The following IMMP2L variants were observed in gnomAD, a reference collection of about 807,000 sequenced individuals.
The protein encoded by IMMP2L is inner mitochondrial membrane peptidase subunit 2.
IMMP2L carries 18 observed loss-of-function variants against 19.3 expected under a neutral mutation model. The ratio of observed to expected loss-of-function variants is 0.93; its 90% CI spans 0.64 to 1.38. The LOEUF is 1.38. Ranked by LOEUF, IMMP2L falls within the 40% of genes most tolerant of loss-of-function variation. The probability of loss-of-function intolerance (pLI) is 0.00; values close to 1 mark genes in which losing one functional copy is unlikely to be tolerated. For missense variants in IMMP2L, 233 were observed against 218.2 expected (o/e 1.07, Z -0.43); for synonymous variants, 76 against 73.0 (o/e 1.04, Z -0.21).
chr7:111,101,153 C>T (rs893420190), intron 3 of IMMP2L, among the ~76,000 whole-genome samples: 1 of 151,440 alleles, frequency 6.6e-6, no homozygotes, highest in African/African-American at 2.4e-5. Context: ...AAGCAATCTG[C>T]TGCTCTGGAT....
chr7:111,485,842 T>C (rs1195761622), intron 3 of IMMP2L, among the ~76,000 whole-genome samples: 1 of 151,962 alleles, frequency 6.6e-6, no homozygotes, highest in Non-Finnish European at 1.5e-5. Context: ...CAATTATCTA[T>C]TTAAGTCCAC....
intron 5 of IMMP2L, among the ~76,000 whole-genome samples, chr7:110,690,536 T>C (rs764999083): frequency 6.6e-6 from 1 of 152,138 alleles, no homozygotes; most frequent in Non-Finnish European, 1.5e-5. Context: ...GCCGATGATA[T>C]GATCATATAC....
chr7:110,905,255 C>A (rs1273386493), intron 4 of IMMP2L, among the ~76,000 whole-genome samples: 1 of 152,124 alleles, frequency 6.6e-6, no homozygotes, highest in Admixed American at 6.5e-5. Flanking sequence ...CTCAGCACTA[C>A]AATATTATCA....
chr7:111,557,051 C>T (rs1379546793), intron 1 of IMMP2L, among the ~76,000 whole-genome samples: 1 of 152,160 alleles, frequency 6.6e-6, no homozygotes, highest in Admixed American at 6.5e-5. Context: ...TCTCCCATAT[C>T]TTTTACATTC....
intron 1 of IMMP2L, among the ~76,000 whole-genome samples, chr7:111,547,548 T>A (rs894880426): frequency 3.4e-5 from 5 of 147,686 alleles, no homozygotes; most frequent in Non-Finnish European, 6.0e-5. Context: ...TGTTTTTTTT[T>A]AATTTTTTAT....
At chr7:111,138,822 T>A (rs1388636329) in intron 3 of IMMP2L, among the ~76,000 whole-genome samples, 1 of 152,166 alleles carries the variant, frequency 6.6e-6, no homozygotes, top group East Asian at 1.9e-4. Flanking sequence ...TTTGGTCACT[T>A]GCCTGGAATA....
chr7:111,383,631 C>T (rs957023338), intron 3 of IMMP2L, among the ~76,000 whole-genome samples: 2 of 152,084 alleles, frequency 1.3e-5, no homozygotes, highest in Non-Finnish European at 2.9e-5. Flanking sequence ...GGCTTCTATA[C>T]ATTTTTATAA....
intron 4 of IMMP2L, among the ~76,000 whole-genome samples, chr7:110,902,473 T>C (rs916986461): frequency 1.7e-5 from 2 of 115,730 alleles, no homozygotes; most frequent in Non-Finnish European, 3.4e-5. Flanking sequence ...ATGTCATGAA[T>C]GATAAAATAT....
chr7:111,542,162 T>C (rs1039214510), intron 1 of IMMP2L, among the ~76,000 whole-genome samples: 2 of 152,116 alleles, frequency 1.3e-5, no homozygotes, highest in South Asian at 4.1e-4. Flanking sequence ...TTTAATAGAG[T>C]GATTAGCCAT....
chr7:110,741,931 G>C (rs1042769602), intron 5 of IMMP2L, among the ~76,000 whole-genome samples: 11 of 152,104 alleles, frequency 7.2e-5, no homozygotes, highest in Admixed American at 6.6e-5. Flanking sequence ...TCTTCAAATT[G>C]GCAAGAAAAT....
At chr7:111,456,630 T>C (rs1287243216) in intron 3 of IMMP2L, among the ~76,000 whole-genome samples, 1 of 152,164 alleles carries the variant, frequency 6.6e-6, no homozygotes, top group Non-Finnish European at 1.5e-5. Flanking sequence ...TCTTAGTTTT[T>C]AGCCTTTTGT....
chr7:110,791,984 A>T (rs1800487233), intron 5 of IMMP2L, among the ~76,000 whole-genome samples: 1 of 151,894 alleles, frequency 6.6e-6, no homozygotes, highest in African/African-American at 2.4e-5. Flanking sequence ...CTCTATGAGA[A>T]CATGGAGTTG....
chr7:110,971,981 G>C (rs951864458), intron 3 of IMMP2L, among the ~76,000 whole-genome samples: 1 of 152,046 alleles, frequency 6.6e-6, no homozygotes, highest in African/African-American at 2.4e-5. Context: ...GGAGAATGCT[G>C]ACAGTGTGGA....
chr7:110,743,297 A>G, intron 5 of IMMP2L, among the ~76,000 whole-genome samples: 1 of 152,214 alleles, frequency 6.6e-6, no homozygotes, highest in East Asian at 1.9e-4. Flanking sequence ...TATATTTTAG[A>G]TAGTAATTAT....
At chr7:110,839,901 C>T (rs935466809) in intron 5 of IMMP2L, among the ~76,000 whole-genome samples, 1 of 152,050 alleles carries the variant, frequency 6.6e-6, no homozygotes, top group African/African-American at 2.4e-5. Flanking sequence ...TTGCACACAT[C>T]CCTCCCTCCC....
chr7:110,699,939 C>G (rs1351579167), intron 5 of IMMP2L, among the ~76,000 whole-genome samples: 2 of 152,132 alleles, frequency 1.3e-5, no homozygotes, highest in East Asian at 3.9e-4. Context: ...TCTAAGTCCC[C>G]AGACTGTAAA....
intron 4 of IMMP2L, among the ~76,000 whole-genome samples, chr7:110,896,294 A>T (rs1811317854): frequency 6.6e-6 from 1 of 152,190 alleles, no homozygotes; most frequent in South Asian, 2.1e-4. Context: ...GTTTTTGCTA[A>T]AATGATGATA....
chr7:111,552,791 T>C (rs958257074), intron 1 of IMMP2L, among the ~76,000 whole-genome samples: 5 of 152,092 alleles, frequency 3.3e-5, no homozygotes, highest in East Asian at 1.9e-4. Context: ...GTAGAACCAA[T>C]TGAATACATC....
At chr7:111,153,222 G>A (rs1343133036) in intron 3 of IMMP2L, among the ~76,000 whole-genome samples, 1 of 152,028 alleles carries the variant, frequency 6.6e-6, no homozygotes, top group Non-Finnish European at 1.5e-5. Flanking sequence ...ATGACTTTGG[G>A]AATTTTAAAG....
Sources: allele counts gnomAD v4.1 joint callset (sites outside exome capture counted in the v4.1 genomes callset), GRCh38; gene constraint gnomAD v4.1.1; transcripts MANE v1.5; gene names NCBI Gene and HGNC (gene_info 2026-07-23, HGNC 2026-07-21).